The following BRF1 variants were observed in gnomAD, a reference collection of about 807,000 sequenced individuals.
BRF1 encodes BRF1 general transcription factor IIIB subunit.
Under a neutral mutation model 81.7 loss-of-function variants are expected in BRF1, and 59 were observed. The observed-to-expected ratio is 0.72, with a 90% CI of 0.59 to 0.90. The LOEUF (loss-of-function observed/expected upper bound fraction) is 0.90, where lower values mean the gene tolerates loss of function less well. BRF1 is among the 40% of genes least tolerant of loss of function. BRF1 has a pLI of 0.00. For missense variants in BRF1, 1,050 were observed against 936.3 expected (o/e 1.12, Z -1.58); for synonymous variants, 491 against 395.6 (o/e 1.24, Z -2.86).
intron 5 of BRF1, chr14:105,247,929 A>C: frequency 3.0e-6 from 3 of 985,492 alleles, no homozygotes; most frequent in Non-Finnish European, 3.6e-6. Flanking sequence ...TAGAGGCCCC[A>C]CAAGGAGCGA....
chr14:105,258,340 T>G (rs1462058528), intron 3 of BRF1, among the ~76,000 whole-genome samples: 2 of 149,358 alleles, frequency 1.3e-5, no homozygotes, highest in Non-Finnish European at 3.0e-5. Flanking sequence ...TACAAAAAAA[T>G]TAGCCGGGCG....
At chr14:105,227,733 A>T (rs1337751264) in intron 7 of BRF1, 1 of 152,286 alleles carries the variant, frequency 6.6e-6, no homozygotes, top group Non-Finnish European at 1.5e-5. Context: ...CATGGGGCTC[A>T]GTTCTTACGA....
rs1407781032 is a variant in BRF1 at position 105,248,878 on chromosome 14, C to T, written c.544+3629G>A. Reference sequence around the variant, plus strand: ...GCCGCCCCGCCCGCGAAGATGGCGGCGGAACTCTACGCTCCCGCCAGCGCC... The same window carrying T: ...GCCGCCCCGCCCGCGAAGATGGCGGTGGAACTCTACGCTCCCGCCAGCGCC... On this transcript the variant is annotated intron_variant, in intron 5 of 17. Transcript: ENST00000547530. 4 of 988,632 alleles carry T rather than the reference C, an allele frequency of 4.0e-6. No homozygotes were observed. In the African/African-American group the frequency reaches 5.3e-5, roughly 13 times the overall value. 61.2% of individuals were successfully genotyped at this position (988,632 alleles called of 1,614,324 possible). A position where few individuals can be genotyped will look rare whatever the true frequency, so the allele number is the denominator to read the frequency against.
intron 4 of BRF1, among the ~76,000 whole-genome samples, chr14:105,255,155 G>T (rs1319731022): frequency 2.0e-5 from 3 of 152,212 alleles, no homozygotes; most frequent in Non-Finnish European, 2.9e-5. Context: ...GAGTCCCCAG[G>T]AGCCTGACCA....
chr14:105,280,497 C>T (rs1209508597), intron 2 of BRF1, among the ~76,000 whole-genome samples: 1 of 152,272 alleles, frequency 6.6e-6, no homozygotes, highest in Non-Finnish European at 1.5e-5. Context: ...CACCGCCCAG[C>T]GTGAGCCTGG....
At chr14:105,259,638 C>T (rs1027686031) in intron 3 of BRF1, among the ~76,000 whole-genome samples, 1 of 152,146 alleles carries the variant, frequency 6.6e-6, no homozygotes, top group African/African-American at 2.4e-5. Context: ...CCACCGGACA[C>T]GGGGCTCACG....
chr14:105,287,305 T>C (rs587655725), intron 1 of BRF1, among the ~76,000 whole-genome samples: 2 of 152,300 alleles, frequency 1.3e-5, no homozygotes, highest in Admixed American at 6.5e-5. Flanking sequence ...GGTGGACATG[T>C]GGATTGTTCA....
intron 11 of BRF1, 82 bp from the exon 12 acceptor site, chr14:105,220,212 C>G: frequency 6.5e-7 from 1 of 1,541,230 alleles, no homozygotes; most frequent in Non-Finnish European, 8.9e-7. Context: ...TGGCTCAGGA[C>G]CCTGGGTCTG....
rs1393535600 is a variant in BRF1 at position 105,219,015 on chromosome 14, T to G, written c.1498A>C (p.Ile500Leu). 6.2e-7 allele frequency: 1 copy of G among 1,613,754 alleles called. No homozygotes were observed. The highest frequency in any genetic ancestry group is 1.3e-5 in the African/African-American group (1 of 74,942). ...GCGCCCACCTTGTGTTCCTTGTAGATGCCGAGCTCCTTCTCTTTCGCTATT... is the reference window on the plus strand; with the variant it reads ...GCGCCCACCTTGTGTTCCTTGTAGAGGCCGAGCTCCTTCTCTTTCGCTATT... ...ARIAKEKELG[I>L]YKEHKPKKSC... Residue 500 changes from isoleucine (I) to leucine (L), a missense_variant, in exon 14 of 18, where the codon ATC (isoleucine) becomes CTC (leucine). This residue lies in a region of BRF1 where 1,043 missense variants were observed against 915.4 expected (regional missense o/e 1.14). Transcript: ENST00000547530.
intron 15 of BRF1, among the ~76,000 whole-genome samples, chr14:105,214,769 C>T (rs1312765147): frequency 6.6e-6 from 1 of 152,216 alleles, no homozygotes; most frequent in Non-Finnish European, 1.5e-5. Context: ...GCTGTGGTCG[C>T]TGGGCTGAGG....
rs200471626 is a variant in BRF1, at chr14:105,217,591, C to A, written c.1725G>T (p.Thr575=). Residue 575 remains threonine, a synonymous_variant, in exon 15 of 18, where the codon ACG becomes ACT. Coordinates refer to ENST00000547530, the MANE Select transcript of BRF1 (RefSeq NM_001519.4). ...GGTCAGCCCCACTTCTGCTGGCCGGCGTCCTCCTTCGTGACAGCTTCCTGG... is the reference window on the plus strand; with the variant it reads ...GGTCAGCCCCACTTCTGCTGGCCGGAGTCCTCCTTCGTGACAGCTTCCTGG... The part of the protein sequence containing the change: ...ASARKLSRRR[T]PASRSGADPV... 3.7e-5 allele frequency: 60 copies of A among 1,613,318 alleles called. No individual in the cohort carries two copies. Among genetic ancestry groups the A allele is most frequent in the Non-Finnish European group, 4.6e-5 (54 of 1,180,008 alleles).
rs1368478953 is a variant in BRF1 at position 105,229,051 on chromosome 14, C to A, written c.695-138G>T. 17 of 767,976 alleles carry A rather than the reference C, an allele frequency of 2.2e-5. 1 individual carries two copies. The Admixed American group carries it at 2.6e-4, about 12-fold the overall frequency. 47.6% of individuals were successfully genotyped at this position (767,976 alleles called of 1,614,324 possible). A position where few individuals can be genotyped will look rare whatever the true frequency, so the allele number is the denominator to read the frequency against. ...ACGTGTCTGTGCCAGGCAGTGAGAC[C>A]CTCACTTGGCATGGCTACTCCTGAA... On this transcript the variant is annotated intron_variant, in intron 6 of 17. Coordinates refer to ENST00000547530, the MANE Select transcript of BRF1 (RefSeq NM_001519.4).
At chr14:105,250,183 G>A (rs746790064) in intron 5 of BRF1, 11 of 1,612,862 alleles carry the variant, frequency 6.8e-6, no homozygotes, top group Non-Finnish European at 9.3e-6. Flanking sequence ...AGCCCCGCCT[G>A]GACTTTCCCC....
chr14:105,250,390 G>A, intron 5 of BRF1: 2 of 1,613,860 alleles, frequency 1.2e-6, no homozygotes, highest in Non-Finnish European at 1.7e-6. Flanking sequence ...TTGAGCTCAA[G>A]CGGCTCGGGG....
At chr14:105,241,110 C>T (rs1246150665) in intron 6 of BRF1, among the ~76,000 whole-genome samples, 155 bp downstream of exon 6, 1 of 152,214 alleles carries the variant, frequency 6.6e-6, no homozygotes, top group Non-Finnish European at 1.5e-5. Flanking sequence ...GGGCTGAGGA[C>T]CCCGGTGGGC....
At chr14:105,217,519 C>G (rs1404535327) in intron 15 of BRF1, 25 bp downstream of exon 15, 3 of 1,601,494 alleles carry the variant, frequency 1.9e-6, no homozygotes, top group Non-Finnish European at 2.6e-6. Flanking sequence ...CTGCCCTAAC[C>G]CAGCCACTCA....
chr14:105,228,743 C>A (rs2054221565), intron 7 of BRF1, 77 bp downstream of exon 7: 1 of 1,544,970 alleles, frequency 6.5e-7, no homozygotes, highest in Non-Finnish European at 8.9e-7. Context: ...GAGGTGGCGC[C>A]TGCTCTGGCA....
At chr14:105,253,242 C>T (rs867363676) in intron 4 of BRF1, among the ~76,000 whole-genome samples, 12 of 152,202 alleles carry the variant, frequency 7.9e-5, no homozygotes. Flanking sequence ...TGCCGTGGGC[C>T]GAGTACCCCT....
At position 105,269,449 on chromosome 14, in the gene BRF1, CAGTGGGTT is replaced by C. The variant is rs1049407582; in HGVS notation, c.439+3264_439+3271del. Among the ~76,000 whole-genome samples, 1 of 152,166 alleles carries C rather than the reference CAGTGGGTT, an allele frequency of 6.6e-6. No homozygotes were observed. Among genetic ancestry groups the C allele is most frequent in the Non-Finnish European group, 1.5e-5 (1 of 68,022 alleles). ...ACCTGCCTGTTCACAGTGCACCGGG[CAGTGGGTT>C]TTCGTAAATCCCCAGAGCTGAGCAA... is the stretch of plus-strand genomic sequence containing the variant. On this transcript the variant is annotated intron_variant, in intron 3 of 17. Coordinates refer to ENST00000547530, the MANE Select transcript of BRF1 (RefSeq NM_001519.4). This position sits in a 1 kb window ranked among gnomAD's most constrained non-coding sequence, Gnocchi z 5.0.
Sources: gnomAD v4.1 joint callset for allele counts (sites outside exome capture counted in the v4.1 genomes callset) on GRCh38, gnomAD v4.1.1 for gene constraint, gnomAD v4.1.1 regional missense constraint, Gnocchi (gnomAD v3.1) non-coding constraint, MANE v1.5 for transcripts, NCBI Gene and HGNC (gene_info 2026-07-23, HGNC 2026-07-21) for gene names.